The following LINGO2 variants were observed in gnomAD, a reference collection of about 807,000 sequenced individuals.
LINGO2 encodes leucine-rich repeat and immunoglobulin-like domain-containing nogo receptor-interacting protein 2.
Under a neutral mutation model 30.6 loss-of-function variants are expected in LINGO2, and 14 were observed. The observed-to-expected ratio is 0.46, with a 90% CI of 0.30 to 0.72. The LOEUF (loss-of-function observed/expected upper bound fraction) is 0.72. Ranked by LOEUF, LINGO2 falls within the 30% of genes least tolerant of loss-of-function variation. LINGO2 has a pLI of 0.07. For synonymous variants in LINGO2, 317 were observed against 288.5 expected (o/e 1.10, Z -1.00); for missense variants, 729 against 751.7 (o/e 0.97, Z 0.35).
chr9:29,091,408 A>ATT, the LINGO2 span, among the ~76,000 whole-genome samples: 13,570 of 151,676 alleles, frequency 0.089, 843 homozygotes, highest in African/African-American at 0.17. Flanking sequence ...TTCAAAAAAA[A>ATT]TTTTTTTGCT....
At chr9:28,047,251 T>C (rs754983918) in intron 4 of LINGO2, among the ~76,000 whole-genome samples, 8 of 152,150 alleles carry the variant, frequency 5.3e-5, no homozygotes, top group Non-Finnish European at 8.8e-5. Context: ...CAACCTGTAG[T>C]GATCTGACTC....
chr9:29,006,223 A>C, the LINGO2 span, among the ~76,000 whole-genome samples: 1 of 152,012 alleles, frequency 6.6e-6, no homozygotes, highest in African/African-American at 2.4e-5. Flanking sequence ...TGTATTCTCT[A>C]TTATTTAGTA....
At chr9:28,548,153 A>G (rs1351746703) in intron 1 of LINGO2, among the ~76,000 whole-genome samples, 2 of 152,118 alleles carry the variant, frequency 1.3e-5, no homozygotes, top group Admixed American at 6.5e-5. Context: ...CAGAGTTTCA[A>G]GAAGTTCAAA....
intron 5 of LINGO2, among the ~76,000 whole-genome samples, chr9:28,009,153 T>C (rs1000570233): frequency 9.1e-5 from 12 of 132,054 alleles, no homozygotes; most frequent in South Asian, 2.5e-4. Flanking sequence ...TTTTTTTTTT[T>C]CCAACATATG....
At chr9:28,416,958 A>G (rs968441739) in intron 2 of LINGO2, among the ~76,000 whole-genome samples, 1 of 152,180 alleles carries the variant, frequency 6.6e-6, no homozygotes, top group Non-Finnish European at 1.5e-5. Context: ...ACACATATGC[A>G]TTTATATACC....
At chr9:28,672,123 C>G (rs1223052144), upstream of LINGO2, among the ~76,000 whole-genome samples, 1 of 152,012 alleles carries the variant, frequency 6.6e-6, no homozygotes, top group African/African-American at 2.4e-5. Flanking sequence ...AGCTACACTT[C>G]CATTAGGGGG....
At chr9:28,755,102 G>C in the LINGO2 span, among the ~76,000 whole-genome samples, 67 of 152,032 alleles carry the variant, frequency 4.4e-4, no homozygotes, top group East Asian at 0.01. Flanking sequence ...CTCTCAATAA[G>C]AAAATAAATA....
At chr9:28,288,651 C>G (rs950618248) in intron 4 of LINGO2, among the ~76,000 whole-genome samples, 2 of 152,102 alleles carry the variant, frequency 1.3e-5, no homozygotes, top group African/African-American at 4.8e-5. Flanking sequence ...ATGTGCTAGG[C>G]TTTTAAAAAG....
chr9:28,853,031 G>A, the LINGO2 span, among the ~76,000 whole-genome samples: 1 of 152,198 alleles, frequency 6.6e-6, no homozygotes, highest in South Asian at 2.1e-4. Context: ...AAGGACTGCT[G>A]AGCAGGTGAA....
At chr9:28,706,366 T>C in the LINGO2 span, among the ~76,000 whole-genome samples, 1 of 152,072 alleles carries the variant, frequency 6.6e-6, no homozygotes, top group South Asian at 2.1e-4. Context: ...ACAAACATAG[T>C]TTTTAAATCA....
chr9:29,001,645 A>G, the LINGO2 span, among the ~76,000 whole-genome samples: 1 of 152,024 alleles, frequency 6.6e-6, no homozygotes, highest in African/African-American at 2.4e-5. Context: ...TGCAAAAGTA[A>G]TTGCAGCTTT....
intron 1 of LINGO2, among the ~76,000 whole-genome samples, chr9:28,621,349 C>T (rs1320162971): frequency 6.6e-6 from 1 of 150,648 alleles, no homozygotes; most frequent in African/African-American, 2.4e-5. Context: ...AGAGTCATAC[C>T]ATAACAAGAT....
intron 1 of LINGO2, among the ~76,000 whole-genome samples, chr9:28,499,001 G>C (rs1338675122): frequency 1.3e-5 from 2 of 151,768 alleles, no homozygotes; most frequent in East Asian, 3.9e-4. Context: ...CAGAAAGAAA[G>C]CAAACTTATG....
At chr9:28,162,989 T>C (rs1828329997) in intron 4 of LINGO2, among the ~76,000 whole-genome samples, 1 of 152,172 alleles carries the variant, frequency 6.6e-6, no homozygotes. Context: ...AGAGAGTTGC[T>C]TGCAGGAAGC....
chr9:28,157,910 G>A (rs1828180037), intron 4 of LINGO2, among the ~76,000 whole-genome samples: 1 of 152,092 alleles, frequency 6.6e-6, no homozygotes, highest in South Asian at 2.1e-4. Context: ...CAGCATTTTG[G>A]TCAAAGCCAT....
At chr9:28,748,398 T>TAAC in the LINGO2 span, among the ~76,000 whole-genome samples, 1 of 151,198 alleles carries the variant, frequency 6.6e-6, no homozygotes, top group African/African-American at 2.4e-5. Context: ...TAGAAATTTC[T>TAAC]AACAACTTCT....
At chr9:28,651,769 T>A (rs1019774196) in intron 1 of LINGO2, among the ~76,000 whole-genome samples, 2 of 152,228 alleles carry the variant, frequency 1.3e-5, no homozygotes, top group Non-Finnish European at 2.9e-5. Flanking sequence ...ATGTCTCACA[T>A]GCCTCTGATG....
chr9:28,749,136 T>C, the LINGO2 span, among the ~76,000 whole-genome samples: 1 of 152,056 alleles, frequency 6.6e-6, no homozygotes, highest in Non-Finnish European at 1.5e-5. Flanking sequence ...CCAAGAGCTT[T>C]ATTTCTCACT....
chr9:28,324,999 A>G (rs1468428635), intron 3 of LINGO2, among the ~76,000 whole-genome samples: 1 of 151,762 alleles, frequency 6.6e-6, no homozygotes, highest in Non-Finnish European at 1.5e-5. Flanking sequence ...ACTAAATTTT[A>G]TGTCTCTCTT....
Sources: gnomAD v4.1 joint callset for allele counts (sites outside exome capture counted in the v4.1 genomes callset) on GRCh38, gnomAD v4.1.1 for gene constraint, MANE v1.5 for transcripts, NCBI Gene and HGNC (gene_info 2026-07-23, HGNC 2026-07-21) for gene names.